DGKB: variants seen among roughly 807,000 people sequenced by gnomAD.
DGKB encodes the protein 90 kDa diacylglycerol kinase.
DGKB carries 67 observed loss-of-function variants against 114.3 expected under a neutral mutation model. The observed-to-expected ratio is 0.59, with a 90% CI of 0.48 to 0.72. The LOEUF is 0.72. Among genes scored for constraint, DGKB ranks in the 30% least tolerant of loss-of-function variants. The pLI is 0.00. For synonymous variants in DGKB, 398 were observed against 323.1 expected, an observed-to-expected ratio of 1.23 and a Z score of -2.49; for missense variants, 907 against 975.2, an observed-to-expected ratio of 0.93 and a Z score of 0.93.
chr7:14,815,236 C>T (rs957384096), intron 2 of DGKB: 2 of 152,236 alleles, frequency 1.3e-5, no homozygotes, highest in African/African-American at 4.8e-5. Flanking sequence ...TCAGCAATCT[C>T]TTCTGTAAGT....
intron 17 of DGKB, among the ~76,000 whole-genome samples, chr7:14,602,150 A>G (rs752799793): frequency 2.0e-5 from 3 of 152,216 alleles, no homozygotes; most frequent in Non-Finnish European, 2.9e-5. Flanking sequence ...CTAAAAGTCT[A>G]TAAAGGGTAA....
At position 14,600,170 on chromosome 7, in the gene DGKB, C is replaced by T. The variant is rs370379492; in HGVS notation, c.1433+7264G>A. Reference sequence around the variant, plus strand: ...TCCACTCATGGCAGAGGGATGAATGCTGTATCTTCACATGGCAGTAGAAGG... The same window carrying T: ...TCCACTCATGGCAGAGGGATGAATGTTGTATCTTCACATGGCAGTAGAAGG... On this transcript the variant is annotated intron_variant, in intron 17 of 25. Coordinates refer to ENST00000402815, the MANE Select transcript of DGKB (RefSeq NM_001350709.2). Among the ~76,000 whole-genome samples the T allele has an allele frequency of 6.6e-5, 10 of 152,118 alleles. 1 individual carries two copies. Among genetic ancestry groups the T allele is most frequent in the East Asian group, 5.8e-4 (3 of 5,184 alleles).
intron 21 of DGKB, among the ~76,000 whole-genome samples, chr7:14,415,364 C>T (rs961397893): frequency 4.6e-5 from 7 of 151,954 alleles, no homozygotes; most frequent in African/African-American, 1.7e-4. Flanking sequence ...TGGTGTGCTG[C>T]ACCCATTAAC....
chr7:14,174,227 C>T (rs1264653225), intron 25 of DGKB, among the ~76,000 whole-genome samples: 1 of 152,150 alleles, frequency 6.6e-6, no homozygotes, highest in African/African-American at 2.4e-5. Context: ...ATGCTGGAGT[C>T]AGACTACCTG....
chr7:14,958,005 T>A (rs1172258505), intron 1 of DGKB, among the ~76,000 whole-genome samples: 1 of 152,102 alleles, frequency 6.6e-6, no homozygotes, highest in African/African-American at 2.4e-5. Context: ...ATATTGTGTT[T>A]ACGTAAAATC....
intron 20 of DGKB, among the ~76,000 whole-genome samples, chr7:14,526,583 T>C (rs1790680618): frequency 6.6e-6 from 1 of 152,112 alleles, no homozygotes; most frequent in African/African-American, 2.4e-5. Flanking sequence ...AAAACACCTT[T>C]AAGAGTAAAT....
chr7:14,548,455 A>G (rs1341398378), intron 20 of DGKB, among the ~76,000 whole-genome samples: 2 of 152,214 alleles, frequency 1.3e-5, no homozygotes, highest in Non-Finnish European at 2.9e-5. Flanking sequence ...TAATTATTCA[A>G]AAATGGACAG....
chr7:14,834,087 A>C (rs954599606), intron 2 of DGKB, among the ~76,000 whole-genome samples: 2 of 152,146 alleles, frequency 1.3e-5, no homozygotes, highest in Admixed American at 6.6e-5. Flanking sequence ...GTGGTAACTA[A>C]GGAAACTTGG....
chr7:14,480,705 C>T (rs1782857254), intron 20 of DGKB, among the ~76,000 whole-genome samples: 1 of 152,100 alleles, frequency 6.6e-6, no homozygotes, highest in South Asian at 2.1e-4. Flanking sequence ...TGAATTCAGA[C>T]TTTCTACTTC....
intron 17 of DGKB, among the ~76,000 whole-genome samples, chr7:14,590,477 T>C (rs1801521287): frequency 6.6e-6 from 1 of 152,146 alleles, no homozygotes; most frequent in Non-Finnish European, 1.5e-5. Context: ...TCTTGTTTTC[T>C]TTAAAAATTG....
intron 1 of DGKB, among the ~76,000 whole-genome samples, chr7:14,864,390 C>A (rs1851423197): frequency 6.6e-6 from 1 of 152,080 alleles, no homozygotes; most frequent in African/African-American, 2.4e-5. Flanking sequence ...ACTTGAAATG[C>A]ACCATCCTTC....
chr7:14,832,030 TAAC>T (rs535961783), intron 2 of DGKB, among the ~76,000 whole-genome samples: 1 of 152,022 alleles, frequency 6.6e-6, no homozygotes, highest in Non-Finnish European at 1.5e-5. Flanking sequence ...ATCCTAATAA[TAAC>T]AACGAAAGCA....
chr7:14,756,380 G>A (rs893738962), intron 3 of DGKB, among the ~76,000 whole-genome samples: 1 of 151,138 alleles, frequency 6.6e-6, no homozygotes, highest in African/African-American at 2.4e-5. Context: ...CCTCCTCTAT[G>A]GCATCTAGAA....
At chr7:14,876,226 AG>A (rs1245953875) in intron 1 of DGKB, among the ~76,000 whole-genome samples, 1 of 152,150 alleles carries the variant, frequency 6.6e-6, no homozygotes, top group African/African-American at 2.4e-5. Flanking sequence ...ACGACCCAAA[AG>A]TTACTACCCC....
intron 23 of DGKB, among the ~76,000 whole-genome samples, chr7:14,244,539 A>C (rs1216029381): frequency 6.6e-6 from 1 of 151,656 alleles, no homozygotes; most frequent in Admixed American, 6.6e-5. Context: ...GCGTGGTGGC[A>C]TGTGCCTGTA....
chr7:14,338,520 C>A lies in DGKB; in HGVS notation c.2117G>T (p.Ser706Ile). ...VTDAKELKFASQDLSDQLLEV... is the reference protein window; with the variant it reads ...VTDAKELKFAIQDLSDQLLEV... Reference sequence around the variant, plus strand: ...CTAATTGTTAGAAAACTGACCTTGACTTGCAAACTTCAACTCTTTGGCATC... The same window carrying A: ...CTAATTGTTAGAAAACTGACCTTGAATTGCAAACTTCAACTCTTTGGCATC... Residue 706 changes from serine to isoleucine, a missense_variant, in exon 23 of 26, where the codon AGT (serine) becomes ATT (isoleucine). Ser to Ile is a moderately radical substitution (Grantham distance 142). Coordinates refer to ENST00000402815, the MANE Select transcript of DGKB (RefSeq NM_001350709.2). 6.4e-7 allele frequency: 1 copy of A among 1,557,554 alleles called. No individual in the cohort carries two copies. The highest frequency in any genetic ancestry group is 8.7e-7 in the Non-Finnish European group (1 of 1,154,934).
intron 13 of DGKB, among the ~76,000 whole-genome samples, chr7:14,657,193 CAT>C (rs145671176): frequency 0.031 from 4,697 of 151,844 alleles, 237 homozygotes; most frequent in African/African-American, 0.11. Context: ...TGGATGTACA[CAT>C]GTTTTATAAA....
chr7:14,821,523 T>C (rs554927995), intron 2 of DGKB, among the ~76,000 whole-genome samples: 1 of 152,034 alleles, frequency 6.6e-6, no homozygotes, highest in Non-Finnish European at 1.5e-5. Flanking sequence ...AAAAGGAAGC[T>C]TGGGAAAAAT....
At chr7:14,847,800 A>C (rs889770417) in intron 1 of DGKB, among the ~76,000 whole-genome samples, 11 of 152,252 alleles carry the variant, frequency 7.2e-5, no homozygotes, top group Admixed American at 4.6e-4. Flanking sequence ...TAACTGACAA[A>C]AGTTAAATAA....
Sources: allele counts gnomAD v4.1 joint callset (sites outside exome capture counted in the v4.1 genomes callset), GRCh38; gene constraint gnomAD v4.1.1; transcripts MANE v1.5; gene names NCBI Gene and HGNC (gene_info 2026-07-23, HGNC 2026-07-21).